ARHGAP10: variants seen among roughly 807,000 people sequenced by gnomAD.
ARHGAP10 encodes rho GTPase-activating protein 10.
In ARHGAP10, 87 loss-of-function variants were observed where a neutral mutation model predicts 108.6. The ratio of observed to expected loss-of-function variants is 0.80; its 90% CI spans 0.67 to 0.96. The LOEUF (loss-of-function observed/expected upper bound fraction) is 0.96. ARHGAP10 is among the 40% of genes least tolerant of loss of function. ARHGAP10 has a pLI of 0.00. For synonymous variants in ARHGAP10, 347 were observed against 341.1 expected, an observed-to-expected ratio of 1.02 and a Z score of -0.19; for missense variants, 939 against 954.5, an observed-to-expected ratio of 0.98 and a Z score of 0.21.
At chr4:147,769,910 TAAG>T (rs1269960721) in intron 1 of ARHGAP10, among the ~76,000 whole-genome samples, 1 of 152,208 alleles carries the variant, frequency 6.6e-6, no homozygotes, top group East Asian at 1.9e-4. Flanking sequence ...AGCAGTGGAA[TAAG>T]GAGTACTTCA....
At chr4:147,909,840 A>T in intron 12 of ARHGAP10, 63 bp downstream of exon 12, 1 of 1,499,732 alleles carries the variant, frequency 6.7e-7, no homozygotes, top group Middle Eastern at 1.7e-4. Flanking sequence ...TGTGTACATT[A>T]TGCATGTCAA....
intron 1 of ARHGAP10, among the ~76,000 whole-genome samples, chr4:147,743,656 A>G (rs1356279643): frequency 6.6e-6 from 1 of 152,206 alleles, no homozygotes; most frequent in East Asian, 1.9e-4. Flanking sequence ...GCATGCCTGT[A>G]ATCCCAGCTA....
chr4:147,921,420 A>G (rs1380578392), intron 13 of ARHGAP10, among the ~76,000 whole-genome samples: 1 of 152,194 alleles, frequency 6.6e-6, no homozygotes, highest in African/African-American at 2.4e-5. Flanking sequence ...GAGAGATCCA[A>G]TAGGAATAGT....
intron 1 of ARHGAP10, among the ~76,000 whole-genome samples, chr4:147,736,497 G>A (rs183550125): frequency 6.0e-4 from 92 of 152,098 alleles, no homozygotes; most frequent in Middle Eastern, 3.4e-3. Context: ...TGTAAAATGG[G>A]ACTGATACAG....
chr4:147,936,210 C>G (rs1289362128), intron 13 of ARHGAP10, among the ~76,000 whole-genome samples: 2 of 151,486 alleles, frequency 1.3e-5, no homozygotes, highest in African/African-American at 2.4e-5. Context: ...GAGGCTCAAT[C>G]TTTTTTCCTG....
At chr4:147,752,097 A>G (rs1267625185) in intron 1 of ARHGAP10, among the ~76,000 whole-genome samples, 1 of 151,884 alleles carries the variant, frequency 6.6e-6, no homozygotes, top group Non-Finnish European at 1.5e-5. Flanking sequence ...ATTGGCCAGG[A>G]TGGTCTTGAT....
At chr4:147,829,671 A>G (rs1209959818) in intron 3 of ARHGAP10, among the ~76,000 whole-genome samples, 1 of 152,020 alleles carries the variant, frequency 6.6e-6, no homozygotes, top group Non-Finnish European at 1.5e-5. Context: ...AATTCCAGAG[A>G]TGTTCTCTCT....
At chr4:148,064,541 T>C (rs759776804) in intron 22 of ARHGAP10, 34 bp downstream of exon 22, 2 of 1,572,782 alleles carry the variant, frequency 1.3e-6, no homozygotes, top group Admixed American at 1.7e-5. Flanking sequence ...CTGTTAATCC[T>C]GTCCGCAGGA....
chr4:147,947,304 G>A lies in ARHGAP10; in HGVS notation c.1391+600G>A, dbSNP rs559911354. On this transcript the variant is annotated intron_variant, in intron 15 of 22. Transcript: ENST00000336498. Reference sequence around the variant, plus strand: ...TAGATGAAGAACAAGTATATAGACAGTTAAAAGAAAATGAAAAAAGATCAC... The same window carrying A: ...TAGATGAAGAACAAGTATATAGACAATTAAAAGAAAATGAAAAAAGATCAC... Among the ~76,000 whole-genome samples, 75 of 148,322 alleles carry A rather than the reference G, an allele frequency of 5.1e-4. No individual in the cohort carries two copies. The South Asian group carries it at 0.016, about 31-fold the overall frequency.
At chr4:147,915,789 T>G (rs1354674547) in intron 13 of ARHGAP10, among the ~76,000 whole-genome samples, 2 of 152,160 alleles carry the variant, frequency 1.3e-5, no homozygotes, top group African/African-American at 4.8e-5. Context: ...TTTAAAAGAA[T>G]CAACAGAACT....
At chr4:148,035,964 A>T (rs187854286) in intron 19 of ARHGAP10, among the ~76,000 whole-genome samples, 1 of 152,304 alleles carries the variant, frequency 6.6e-6, no homozygotes, top group Admixed American at 6.5e-5. Context: ...TAAAAAAGAT[A>T]TCTCTAGGTT....
chr4:147,848,350 C>T (rs1733718730), intron 4 of ARHGAP10, among the ~76,000 whole-genome samples: 1 of 152,242 alleles, frequency 6.6e-6, no homozygotes, highest in African/African-American at 2.4e-5. Context: ...TTGGGGGCAC[C>T]ACCCCAGGCT....
At chr4:147,954,922 CTT>C (rs1738732340) in intron 15 of ARHGAP10, among the ~76,000 whole-genome samples, 1 of 151,976 alleles carries the variant, frequency 6.6e-6, no homozygotes, top group South Asian at 2.1e-4. Flanking sequence ...TGTGTGGAAT[CTT>C]CAGCTAATAT....
chr4:147,747,332 AAG>A (rs1728971840), intron 1 of ARHGAP10, among the ~76,000 whole-genome samples: 1 of 152,214 alleles, frequency 6.6e-6, no homozygotes, highest in African/African-American at 2.4e-5. Flanking sequence ...TAGAAATTGT[AAG>A]AGTTAAAAAT....
intron 19 of ARHGAP10, among the ~76,000 whole-genome samples, chr4:148,041,839 A>C (rs560068326): frequency 6.6e-6 from 1 of 152,362 alleles, no homozygotes; most frequent in East Asian, 1.9e-4. Flanking sequence ...ACTGTGTTGT[A>C]TTTAAAACAA....
intron 7 of ARHGAP10, among the ~76,000 whole-genome samples, chr4:147,871,240 G>A (rs1360862766): frequency 6.6e-6 from 1 of 152,082 alleles, no homozygotes; most frequent in African/African-American, 2.4e-5. Flanking sequence ...TTATAGGTGT[G>A]AGCCACCACG....
intron 3 of ARHGAP10, among the ~76,000 whole-genome samples, chr4:147,833,217 T>G (rs1278901692): frequency 6.6e-6 from 1 of 152,164 alleles, no homozygotes; most frequent in Non-Finnish European, 1.5e-5. Flanking sequence ...TGAATTGTAA[T>G]CCCTATGTGT....
chr4:147,974,477 T>C (rs930381435), intron 18 of ARHGAP10, among the ~76,000 whole-genome samples: 9 of 152,194 alleles, frequency 5.9e-5, no homozygotes, highest in Non-Finnish European at 1.0e-4. Context: ...GTCTTAATAC[T>C]GAAAAATTGG....
chr4:147,858,480 T>G (rs1734185492), intron 5 of ARHGAP10: 1 of 152,250 alleles, frequency 6.6e-6, no homozygotes, highest in Non-Finnish European at 1.5e-5. Context: ...ATGTTAGCTA[T>G]TTAGTTACAT....
Sources: gnomAD v4.1 joint callset for allele counts (sites outside exome capture counted in the v4.1 genomes callset) on GRCh38, gnomAD v4.1.1 for gene constraint, MANE v1.5 for transcripts, NCBI Gene and HGNC (gene_info 2026-07-23, HGNC 2026-07-21) for gene names.